Variants in SLC6A4 observed in about 807,000 individuals in gnomAD.
The protein encoded by SLC6A4 is sodium-dependent serotonin transporter.
A neutral mutation model predicts 73.4 loss-of-function variants in SLC6A4; 22 were observed. The observed-to-expected ratio is 0.30, with a 90% confidence interval of 0.21 to 0.43. The LOEUF is 0.43. SLC6A4 is among the 20% of genes least tolerant of loss of function. The pLI, the probability that SLC6A4 is intolerant of heterozygous loss-of-function variation, is 1.00. For synonymous variants in SLC6A4, 270 were observed against 315.5 expected (o/e 0.86, Z 1.53); for missense variants, 593 against 808.5 (o/e 0.73, Z 3.23).
At chr17:30,218,717 A>AG in intron 4 of SLC6A4, 80 bp downstream of exon 4, 1 of 1,482,048 alleles carries the variant, frequency 6.7e-7, no homozygotes, top group Non-Finnish European at 9.3e-7. Context: ...TTCCAGAAGA[A>AG]GGTCCCCAGC....
intron 1 of SLC6A4, among the ~76,000 whole-genome samples, chr17:30,231,762 A>G (rs1907122832): frequency 6.6e-6 from 1 of 152,134 alleles, no homozygotes; most frequent in Admixed American, 6.5e-5. Flanking sequence ...CTCCCTGCTG[A>G]CCAGAACAGC....
At chr17:30,231,616 G>A (rs1417576084) in intron 1 of SLC6A4, among the ~76,000 whole-genome samples, 2 of 151,992 alleles carry the variant, frequency 1.3e-5, no homozygotes, top group South Asian at 2.1e-4. Context: ...CATAATTAGA[G>A]TGACTTTGTA....
At position 30,218,343 on chromosome 17, in the gene SLC6A4, C is replaced by T. The variant is rs1344471090; in HGVS notation, c.479-6G>A. 6.2e-7 allele frequency: 1 copy of T among 1,610,276 alleles called. No individual in the cohort carries two copies. Among genetic ancestry groups the T allele is most frequent in the Admixed American group, 1.7e-5 (1 of 59,808 alleles). ...GCAGATGGCATAACCAATCCCTGGG[C>T]AGTGGGTGAGATGGAGAGACAGAGG... On this transcript the variant is annotated splice_polypyrimidine_tract_variant and splice_region_variant and intron_variant, in intron 4 of 14. Coordinates refer to ENST00000650711, the MANE Select transcript of SLC6A4 (RefSeq NM_001045.6).
chr17:30,215,568 T>G, intron 8 of SLC6A4, 43 bp downstream of exon 8: 1 of 1,502,198 alleles, frequency 6.7e-7, no homozygotes, highest in Non-Finnish European at 9.3e-7. Context: ...TGACTTTCAC[T>G]CACGCCACTT....
intron 8 of SLC6A4, 98 bp from the exon 9 acceptor site, chr17:30,212,965 C>T: frequency 1.5e-6 from 2 of 1,332,058 alleles, no homozygotes; most frequent in South Asian, 2.5e-5. Flanking sequence ...GACAGGGCGG[C>T]CACAGCAAGG....
intron 13 of SLC6A4, among the ~76,000 whole-genome samples, chr17:30,203,892 C>A (rs148848092): frequency 6.6e-6 from 1 of 152,368 alleles, no homozygotes; most frequent in East Asian, 1.9e-4. Flanking sequence ...AGGACTCAGG[C>A]TCCTGGGGGT....
intron 1 of SLC6A4, among the ~76,000 whole-genome samples, chr17:30,224,935 G>A (rs182449759): frequency 6.6e-6 from 1 of 152,090 alleles, no homozygotes; most frequent in Non-Finnish European, 1.5e-5. Flanking sequence ...AGAGTAATAC[G>A]CTGTTTCTAT....
intron 13 of SLC6A4, among the ~76,000 whole-genome samples, 153 bp downstream of exon 13, chr17:30,207,579 C>T (rs1906247264): frequency 2.6e-5 from 4 of 151,882 alleles, no homozygotes; most frequent in South Asian, 4.2e-4. Context: ...TAAGTAGAGA[C>T]GGGGTTTTGC....
chr17:30,207,698 C>T lies in SLC6A4; in HGVS notation c.1650+34G>A, dbSNP rs746212162. ...TATGTGTCTGGGGGAAGTCTTTCGC[C>T]AGGGCAAGGAGGAGAAGGGAAATGG... On this transcript the variant is annotated intron_variant, in intron 13 of 14. Transcript: ENST00000650711. 1.1e-5 allele frequency: 15 copies of T among 1,420,498 alleles called. No individual in the cohort carries two copies. In the Admixed American group the frequency reaches 2.3e-4, roughly 22 times the overall value. 88.0% of individuals were successfully genotyped at this position (1,420,498 alleles called of 1,614,324 possible).
At chr17:30,217,711 ATCT>A (rs1906622069) in intron 5 of SLC6A4, among the ~76,000 whole-genome samples, 1 of 152,168 alleles carries the variant, frequency 6.6e-6, no homozygotes, top group Admixed American at 6.5e-5. Context: ...TTCCTCAAGC[ATCT>A]TCTTCCAAAG....
chr17:30,228,388 C>T (rs1906990086), intron 1 of SLC6A4, among the ~76,000 whole-genome samples: 1 of 152,228 alleles, frequency 6.6e-6, no homozygotes, highest in Non-Finnish European at 1.5e-5. Context: ...CTATCACCAC[C>T]ATACATCCGC....
chr17:30,207,721 T>C lies in SLC6A4; in HGVS notation c.1650+11A>G, dbSNP rs76624189. On this transcript the variant is annotated intron_variant, in intron 13 of 14. Coordinates refer to ENST00000650711, the MANE Select transcript of SLC6A4 (RefSeq NM_001045.6). ...GCCAGGGCAAGGAGGAGAAGGGAAATGGCAACTCACCAGGAGAAACAGAGG... is the reference window on the plus strand; with the variant it reads ...GCCAGGGCAAGGAGGAGAAGGGAAACGGCAACTCACCAGGAGAAACAGAGG... The C allele has an allele frequency of 6.3e-6, 10 of 1,575,178 alleles. No individual in the cohort carries two copies. In the South Asian group the frequency reaches 6.6e-5, roughly 10 times the overall value.
intron 1 of SLC6A4, among the ~76,000 whole-genome samples, chr17:30,231,372 T>A (rs1194386973): frequency 1.3e-5 from 2 of 151,428 alleles, no homozygotes; most frequent in Admixed American, 1.3e-4. Flanking sequence ...ACATATAGTT[T>A]ATATATACAT....
intron 3 of SLC6A4, among the ~76,000 whole-genome samples, chr17:30,221,007 C>T (rs1442660013): frequency 5.8e-5 from 8 of 139,042 alleles, no homozygotes; most frequent in South Asian, 2.3e-4. Context: ...GACAGAGTCT[C>T]GCTCTGTCGC....
chr17:30,221,948 G>A lies in SLC6A4; in HGVS notation c.11C>T (p.Thr4Met), dbSNP rs201688297. The A allele has an allele frequency of 1.1e-5, 17 of 1,613,946 alleles. No individual in the cohort carries two copies. The highest frequency in any genetic ancestry group is 4.5e-5 in the East Asian group (2 of 44,890). Residue 4 changes from threonine (T) to methionine (M), a missense_variant, in exon 3 of 15, where the codon ACG becomes ATG. Coordinates refer to ENST00000650711, the MANE Select transcript of SLC6A4 (RefSeq NM_001045.6). ...TAGCTGCTTCTGAGAATTCAAGGGC[G>A]TCGTCTCCATCCTGCTGGTTAGTAA... is the stretch of plus-strand genomic sequence containing the variant. METTPLNSQKQLSA... is the reference protein window; with the variant it reads METMPLNSQKQLSA...
intron 7 of SLC6A4, 100 bp downstream of exon 7, chr17:30,215,982 G>A: frequency 9.1e-7 from 1 of 1,100,060 alleles, no homozygotes; most frequent in Admixed American, 2.0e-5. Flanking sequence ...CTTGCACACT[G>A]AAGCCACATT....
chr17:30,204,560 T>C (rs990786543), intron 13 of SLC6A4: 9 of 152,272 alleles, frequency 5.9e-5, no homozygotes, highest in East Asian at 1.9e-4. Context: ...CACTCAGTCA[T>C]TGGGGGACTC....
At chr17:30,202,812 C>T (rs1424206649) in intron 14 of SLC6A4, among the ~76,000 whole-genome samples, 1 of 152,172 alleles carries the variant, frequency 6.6e-6, no homozygotes, top group East Asian at 1.9e-4. Flanking sequence ...ACCATAATTG[C>T]CACTTAAAAT....
In SLC6A4 at chr17:30,212,836, T is replaced by C. The variant is rs112636079; in HGVS notation, c.1108A>G (p.Met370Val). The C allele has an allele frequency of 6.2e-7, 1 of 1,614,142 alleles. No individual in the cohort carries two copies. The highest frequency in any genetic ancestry group is 1.1e-5 in the South Asian group (1 of 91,082). The change falls in exon 9 of 15, where the codon ATG (methionine) becomes GTG (valine). Residue 370 changes from methionine to valine, a missense_variant. Physicochemically the swap from Met to Val is conservative, Grantham distance 21 (BLOSUM62 1). Transcript: ENST00000650711. ...DALVTSVVNC[M>V]TSFVSGFVIF... The stretch of plus-strand genomic sequence containing the variant: ...ACAAATCCCGAAACGAAGCTCGTCA[T>C]GCAGTTCACCACGCTGGTCACCAGG...
Sources: allele counts gnomAD v4.1 joint callset (sites outside exome capture counted in the v4.1 genomes callset), GRCh38; gene constraint gnomAD v4.1.1; transcripts MANE v1.5; gene names NCBI Gene and HGNC (gene_info 2026-07-23, HGNC 2026-07-21).